GNAO1: variants seen among roughly 807,000 people sequenced by gnomAD.
The protein encoded by GNAO1 is G protein subunit alpha o1, also known as guanine nucleotide-binding protein G(o) subunit alpha.
For missense variants in GNAO1, 166 were observed against 478.7 expected (o/e 0.35, Z 6.10); for synonymous variants, 164 against 180.7 (o/e 0.91, Z 0.74).
At chr16:56,199,576 A>G (rs56315290) in intron 2 of GNAO1, among the ~76,000 whole-genome samples, 2,631 of 152,284 alleles carry the variant, frequency 0.017, 46 homozygotes, top group South Asian at 0.052. Flanking sequence ...GGAGAACTGT[A>G]TTTTAATTTT....
chr16:56,194,559 C>G (rs1424867545), intron 2 of GNAO1: 1 of 259,328 alleles, frequency 3.9e-6, no homozygotes, highest in Non-Finnish European at 7.8e-6. Flanking sequence ...TCGGTGCGGT[C>G]TGGGCGCGGG....
intron 3 of GNAO1, among the ~76,000 whole-genome samples, chr16:56,300,036 T>TGTGTGTGTGTGTGTGCGCGC (rs753591618): frequency 2.1e-4 from 20 of 95,112 alleles, no homozygotes; most frequent in African/African-American, 9.5e-4. Context: ...TGTGTGTGTG[T>TGTGTGTGTGTGTGTGCGCGC]GCGCGCGCGC....
chr16:56,357,213 G>C lies in GNAO1; in HGVS notation c.*1139G>C. ...TTAAGACTTAATCTTTGCTGAAGAA[G>C]ACCAGTCACAGCCATTTCAAATAAA... On this transcript the variant is annotated 3_prime_UTR_variant, in exon 9 of 9. Transcript: ENST00000262493. 6.8e-6 allele frequency: 1 copy of C among 147,306 alleles called. No homozygotes were observed. The highest frequency in any genetic ancestry group is 2.0e-4 in the East Asian group (1 of 5,034). 9.1% of individuals were successfully genotyped at this position (147,306 alleles called of 1,614,324 possible). A position where few individuals can be genotyped will look rare whatever the true frequency, so the allele number is the denominator to read the frequency against.
intron 3 of GNAO1, among the ~76,000 whole-genome samples, chr16:56,277,195 C>G (rs1040816049): frequency 6.6e-6 from 1 of 152,230 alleles, no homozygotes; most frequent in Non-Finnish European, 1.5e-5. Context: ...CCGAGGCCAG[C>G]CTGCGGTGGA....
chr16:56,255,713 G>T (rs1297538497), intron 2 of GNAO1: 1 of 151,784 alleles, frequency 6.6e-6, no homozygotes, highest in Non-Finnish European at 1.5e-5. Flanking sequence ...TTTAATTATT[G>T]GCTGTCCTCT....
intron 2 of GNAO1, among the ~76,000 whole-genome samples, chr16:56,240,118 C>G (rs1483914614): frequency 5.3e-5 from 8 of 152,186 alleles, no homozygotes; most frequent in Admixed American, 2.6e-4. Flanking sequence ...CACAGCCAGC[C>G]CCAGTGTAAT....
chr16:56,317,738 G>A (rs572339989), intron 3 of GNAO1, among the ~76,000 whole-genome samples: 4 of 152,162 alleles, frequency 2.6e-5, no homozygotes, highest in Admixed American at 2.6e-4. Flanking sequence ...AGGGATGATG[G>A]GTGGATTTGA....
In GNAO1 at chr16:56,313,942, G is replaced by T. The variant is rs1387577066; in HGVS notation, c.304-14689G>T. Among the ~76,000 whole-genome samples the T allele has an allele frequency of 2.0e-5, 3 of 150,722 alleles. 1 individual carries two copies. The highest frequency in any genetic ancestry group is 4.4e-5 in the Non-Finnish European group (3 of 67,878). ...TATAGAGACGGGGTCTCACTGTGTT[G>T]CCTGTGCTGGTCAATGACCCTTTCC... is the stretch of plus-strand genomic sequence containing the variant. On this transcript the variant is annotated intron_variant, in intron 3 of 8. Transcript: ENST00000262493.
chr16:56,312,934 A>G (rs1230741091), intron 3 of GNAO1, among the ~76,000 whole-genome samples: 10 of 152,244 alleles, frequency 6.6e-5, no homozygotes, highest in Non-Finnish European at 1.2e-4. Context: ...TTGGACCTTC[A>G]TAACACCTCT....
rs541875469 is a variant in GNAO1, at chr16:56,219,001, A to T, written c.161+26385A>T. Among the ~76,000 whole-genome samples the T allele has an allele frequency of 3.9e-5, 6 of 152,280 alleles. No individual in the cohort carries two copies. The East Asian group carries it at 1.2e-3, about 29-fold the overall frequency. ...ATGTGAAACACACCACTTTAGGGGAATATGCTCAGTTGGAGCTGTTCTTGC... is the reference window on the plus strand; with the variant it reads ...ATGTGAAACACACCACTTTAGGGGATTATGCTCAGTTGGAGCTGTTCTTGC... On this transcript the variant is annotated intron_variant, in intron 2 of 8. Coordinates refer to ENST00000262493, the MANE Select transcript of GNAO1 (RefSeq NM_020988.3).
intron 3 of GNAO1, among the ~76,000 whole-genome samples, chr16:56,287,259 C>T (rs1387185151): frequency 1.3e-5 from 2 of 152,176 alleles, no homozygotes; most frequent in Non-Finnish European, 2.9e-5. Flanking sequence ...TGGAGCCTGC[C>T]CCAGCCAGCA....
intron 6 of GNAO1, chr16:56,345,050 A>C: frequency 1.0e-6 from 1 of 985,296 alleles, no homozygotes; most frequent in South Asian, 4.7e-5. Flanking sequence ...CAGCACAAAC[A>C]CACCCCCCTG....
intron 2 of GNAO1, among the ~76,000 whole-genome samples, chr16:56,233,811 G>A (rs2036612882): frequency 6.6e-6 from 1 of 152,194 alleles, no homozygotes; most frequent in Non-Finnish European, 1.5e-5. Flanking sequence ...TGACACTCTT[G>A]TTCCCCAAAG....
intron 3 of GNAO1, among the ~76,000 whole-genome samples, chr16:56,325,537 G>A (rs71387116): frequency 1.4e-4 from 21 of 152,152 alleles, no homozygotes; most frequent in Non-Finnish European, 2.6e-4. Flanking sequence ...TGGAGAGCCC[G>A]TGAAATCGGG....
chr16:56,225,225 C>T (rs564937763), intron 2 of GNAO1, among the ~76,000 whole-genome samples: 1 of 152,292 alleles, frequency 6.6e-6, no homozygotes, highest in African/African-American at 2.4e-5. Flanking sequence ...GAGGATTGAG[C>T]AAAATCTGGA....
At chr16:56,213,025 G>A (rs2036405114) in intron 2 of GNAO1, among the ~76,000 whole-genome samples, 1 of 152,222 alleles carries the variant, frequency 6.6e-6, no homozygotes, top group African/African-American at 2.4e-5. Flanking sequence ...CCTGCCCGGT[G>A]GCCAGCACCA....
At chr16:56,193,929 A>C (rs1025156040) in intron 2 of GNAO1, 1 of 360,514 alleles carries the variant, frequency 2.8e-6, no homozygotes, top group Non-Finnish European at 5.5e-6. Context: ...AACTTGACAC[A>C]ATAGCCGAAA....
intron 2 of GNAO1, among the ~76,000 whole-genome samples, chr16:56,196,814 T>C (rs1314544390): frequency 2.0e-5 from 3 of 152,206 alleles, no homozygotes; most frequent in Admixed American, 6.5e-5. Flanking sequence ...CTTAGTGCCA[T>C]TTTAAAACAA....
At chr16:56,271,516 T>A (rs1430870267) in intron 2 of GNAO1, among the ~76,000 whole-genome samples, 1 of 152,178 alleles carries the variant, frequency 6.6e-6, no homozygotes, top group Non-Finnish European at 1.5e-5. Context: ...TGCAGTGGCG[T>A]GATCTTGGTT....
Sources: gnomAD v4.1 joint callset for allele counts (sites outside exome capture counted in the v4.1 genomes callset) on GRCh38, gnomAD v4.1.1 for gene constraint, MANE v1.5 for transcripts, NCBI Gene and HGNC (gene_info 2026-07-23, HGNC 2026-07-21) for gene names.